Variants in MYH9 observed in about 807,000 individuals in gnomAD.
MYH9 encodes the protein myosin-9.
A neutral mutation model predicts 241.9 loss-of-function variants in MYH9; 29 were observed. The ratio of observed to expected loss-of-function variants is 0.12; its 90% confidence interval spans 0.09 to 0.16. MYH9 has a LOEUF of 0.16. Ranked by LOEUF, MYH9 falls within the 10% of genes least tolerant of loss-of-function variation. The probability of loss-of-function intolerance (pLI) is 1.00; values close to 1 mark genes in which losing one functional copy is unlikely to be tolerated. For synonymous variants in MYH9, 1,047 were observed against 1,062.6 expected, an observed-to-expected ratio of 0.99 and a Z score of 0.29; for missense variants, 1,803 against 2,595.5, an observed-to-expected ratio of 0.69 and a Z score of 6.63.
At chr22:36,308,811 G>A (rs978541869) in intron 15 of MYH9, 1 of 985,272 alleles carries the variant, frequency 1.0e-6, no homozygotes, top group African/African-American at 1.7e-5. Context: ...CAGTCACCTG[G>A]TTCTAGGTGG....
At chr22:36,292,829 A>T (rs1603482887) in intron 30 of MYH9, among the ~76,000 whole-genome samples, 1 of 152,238 alleles carries the variant, frequency 6.6e-6, no homozygotes, top group Non-Finnish European at 1.5e-5. Flanking sequence ...GCATGAAATA[A>T]ACATGGGATC....
chr22:36,294,413 T>C (rs2016757528), intron 27 of MYH9, 115 bp from the exon 28 acceptor site: 1 of 1,123,298 alleles, frequency 8.9e-7, no homozygotes. Flanking sequence ...CTGACGACGG[T>C]GTGCCTGCGT....
intron 10 of MYH9, 73 bp downstream of exon 10, chr22:36,319,467 G>A: frequency 7.1e-7 from 1 of 1,411,580 alleles, no homozygotes; most frequent in Non-Finnish European, 1.0e-6. Flanking sequence ...ATTTCCGCAA[G>A]ACCTTCCCTC....
At chr22:36,352,141 C>T (rs777149514) in intron 1 of MYH9, among the ~76,000 whole-genome samples, 17 of 152,202 alleles carry the variant, frequency 1.1e-4, no homozygotes, top group Non-Finnish European at 2.1e-4. Flanking sequence ...TGGGGTCCCT[C>T]GGAAGCCAGG....
chr22:36,355,860 A>C (rs2017847701), intron 1 of MYH9, among the ~76,000 whole-genome samples: 1 of 152,128 alleles, frequency 6.6e-6, no homozygotes, highest in Non-Finnish European at 1.5e-5. Flanking sequence ...TTTATTAATT[A>C]AGCAGACATT....
At chr22:36,282,872 T>C (rs2016516135) in intron 40 of MYH9, 87 bp from the exon 41 acceptor site, 2 of 1,214,246 alleles carry the variant, frequency 1.6e-6, no homozygotes, top group South Asian at 2.7e-5. Context: ...CAAAGTGAAT[T>C]CGAGAGGGAA....
At position 36,305,947 on chromosome 22, in the gene MYH9, G is replaced by T; in HGVS notation, c.2142C>A (p.Phe714Leu). Reference sequence around the variant, plus strand: ...TGGCTCACCTCTGCCGAAACTCCTGGAAGACCACCCTGTTGGGGAAGCCCT... The same window carrying T: ...TGGCTCACCTCTGCCGAAACTCCTGTAAGACCACCCTGTTGGGGAAGCCCT... ...CRQGFPNRVV[F>L]QEFRQRYEIL... Residue 714 changes from phenylalanine to leucine, a missense_variant, in exon 17 of 41, where the codon TTC (phenylalanine) becomes TTA (leucine). Physicochemically the swap from Phe to Leu is conservative, Grantham distance 22 (BLOSUM62 0). Coordinates refer to ENST00000216181, the MANE Select transcript of MYH9 (RefSeq NM_002473.6). The surrounding 1 kb of genome is among the most constrained non-coding windows in gnomAD (Gnocchi z 4.7). 1 of 1,613,316 alleles carries T rather than the reference G, an allele frequency of 6.2e-7. No individual in the cohort carries two copies. Among genetic ancestry groups the T allele is most frequent in the Non-Finnish European group, 8.5e-7 (1 of 1,180,008 alleles).
chr22:36,283,620 C>T (rs762621758), intron 40 of MYH9, among the ~76,000 whole-genome samples: 1 of 145,734 alleles, frequency 6.9e-6, no homozygotes, highest in African/African-American at 2.5e-5. Context: ...TCAAAAAACA[C>T]AAAATGAGAG....
At chr22:36,299,376 C>T (rs1474947458) in intron 23 of MYH9, among the ~76,000 whole-genome samples, 3 of 152,220 alleles carry the variant, frequency 2.0e-5, no homozygotes, top group Non-Finnish European at 4.4e-5. Flanking sequence ...ACACGGCGCT[C>T]ACCTGCGCCA....
At chr22:36,299,444 C>G (rs2016839807) in intron 23 of MYH9, among the ~76,000 whole-genome samples, 1 of 152,218 alleles carries the variant, frequency 6.6e-6, no homozygotes, top group East Asian at 1.9e-4. Flanking sequence ...GGCCCCTCCC[C>G]CTCTTCAGCC....
chr22:36,361,624 C>T (rs1217385233), intron 1 of MYH9, among the ~76,000 whole-genome samples: 3 of 152,154 alleles, frequency 2.0e-5, no homozygotes, highest in East Asian at 1.9e-4. Flanking sequence ...AGTCCCTCCT[C>T]CTGCATGGGA....
rs747859181 is a variant in MYH9, at chr22:36,316,571, C to G, written c.1326G>C (p.Arg442Ser). ...GGATCCCGATGAAGGAGGCGCCCTGCCTCTTGGTCTTGTCCAGAGCCTTGT... is the reference window on the plus strand; with the variant it reads ...GGATCCCGATGAAGGAGGCGCCCTGGCTCTTGGTCTTGTCCAGAGCCTTGT... ...RINKALDKTK[R>S]QGASFIGILD... Residue 442 changes from arginine to serine, a missense_variant, in exon 12 of 41, where the codon AGG becomes AGC. Around this residue, in one of 11 missense-constraint regions of MYH9, gnomAD observed 222 missense variants for 359.9 expected, o/e 0.62. Transcript: ENST00000216181. 1 of 1,614,160 alleles carries G rather than the reference C, an allele frequency of 6.2e-7. No homozygotes were observed. The highest frequency in any genetic ancestry group is 1.1e-5 in the South Asian group (1 of 91,090).
In MYH9 at chr22:36,300,735, G is replaced by A. The variant is rs989191943; in HGVS notation, c.2838+116C>T. The stretch of plus-strand genomic sequence containing the variant: ...TCACTGAGAGCCCCAAGCAGATTGC[G>A]TGAGGAGCAGCCTCCTTGGACCCTA... On this transcript the variant is annotated intron_variant, in intron 22 of 40. Coordinates refer to ENST00000216181, the MANE Select transcript of MYH9 (RefSeq NM_002473.6). The surrounding 1 kb of genome is among the most constrained non-coding windows in gnomAD (Gnocchi z 5.0). The A allele has an allele frequency of 1.3e-5, 15 of 1,181,428 alleles. No individual in the cohort carries two copies. The highest frequency in any genetic ancestry group is 5.1e-5 in the South Asian group (4 of 78,802). 73.2% of individuals were successfully genotyped at this position (1,181,428 alleles called of 1,614,324 possible). A position where few individuals can be genotyped will look rare whatever the true frequency, so the allele number is the denominator to read the frequency against.
intron 1 of MYH9, among the ~76,000 whole-genome samples, chr22:36,379,503 C>T (rs1345147829): frequency 1.3e-5 from 2 of 152,086 alleles, no homozygotes; most frequent in African/African-American, 4.8e-5. Flanking sequence ...AGCGAGACTC[C>T]GTCTCAGAAA....
At chr22:36,361,602 T>A (rs1013469782) in intron 1 of MYH9, among the ~76,000 whole-genome samples, 2 of 151,930 alleles carry the variant, frequency 1.3e-5, no homozygotes, top group African/African-American at 2.4e-5. Flanking sequence ...GAAACCAGAA[T>A]GTGGTACATA....
chr22:36,293,888 G>A lies in MYH9; in HGVS notation c.3838-25C>T, dbSNP rs752042831. 6.3e-6 allele frequency: 10 copies of A among 1,598,248 alleles called. No individual in the cohort carries two copies. The East Asian group carries it at 1.8e-4, about 29-fold the overall frequency. ...CCTGCACCGGGCGGGGAGACACAAA[G>A]GACCATGGACCCACCCCCACTGCTC... is the stretch of plus-strand genomic sequence containing the variant. On this transcript the variant is annotated intron_variant, in intron 28 of 40. Coordinates refer to ENST00000216181, the MANE Select transcript of MYH9 (RefSeq NM_002473.6). The surrounding 1 kb of genome is among the most constrained non-coding windows in gnomAD (Gnocchi z 5.1).
chr22:36,344,287 C>T (rs762879140), intron 2 of MYH9, among the ~76,000 whole-genome samples: 5 of 151,828 alleles, frequency 3.3e-5, no homozygotes, highest in Non-Finnish European at 7.3e-5. Flanking sequence ...TGTGCCCATC[C>T]GCCCCCATCC....
intron 1 of MYH9, among the ~76,000 whole-genome samples, chr22:36,380,939 GA>G (rs1400909412): frequency 2.6e-5 from 4 of 152,032 alleles, no homozygotes; most frequent in African/African-American, 9.7e-5. Context: ...ATACAGCAAA[GA>G]AAAATCAATC....
intron 3 of MYH9, among the ~76,000 whole-genome samples, 174 bp from the exon 4 acceptor site, chr22:36,327,662 G>A (rs570614865): frequency 1.6e-4 from 24 of 152,260 alleles, no homozygotes; most frequent in African/African-American, 5.8e-4. Flanking sequence ...TCGGGGGAGA[G>A]TGCCATTGGG....
Sources: gnomAD v4.1 joint callset for allele counts (sites outside exome capture counted in the v4.1 genomes callset) on GRCh38, gnomAD v4.1.1 for gene constraint, gnomAD v4.1.1 regional missense constraint, Gnocchi (gnomAD v3.1) non-coding constraint, MANE v1.5 for transcripts, NCBI Gene and HGNC (gene_info 2026-07-23, HGNC 2026-07-21) for gene names.